GRIP2: variants seen among roughly 807,000 people sequenced by gnomAD.
GRIP2 encodes the protein glutamate receptor-interacting protein 2.
Under a neutral mutation model 108.3 loss-of-function variants are expected in GRIP2, and 58 were observed. The observed-to-expected ratio is 0.54, with a 90% CI of 0.43 to 0.67. The LOEUF is 0.67. GRIP2 is among the 30% of genes least tolerant of loss of function. GRIP2 has a pLI of 0.00. For missense variants in GRIP2, 1,278 were observed against 1,430.6 expected (o/e 0.89, Z 1.72); for synonymous variants, 586 against 598.2 (o/e 0.98, Z 0.30).
intron 3 of GRIP2, 24 bp downstream of exon 3, chr3:14,525,413 G>A (rs547553933): frequency 4.9e-5 from 79 of 1,608,566 alleles, no homozygotes; most frequent in South Asian, 4.4e-4. Context: ...CCCCTCCTGC[G>A]GCCGTGCCAA....
At chr3:14,524,965 G>A (rs918900071) in intron 3 of GRIP2, among the ~76,000 whole-genome samples, 1 of 152,244 alleles carries the variant, frequency 6.6e-6, no homozygotes, top group Admixed American at 6.5e-5. Context: ...CACAGTCCAA[G>A]GGAGCCACAG....
At chr3:14,504,054 C>G in intron 20 of GRIP2, 2 of 254,102 alleles carry the variant, frequency 7.9e-6, no homozygotes, top group Non-Finnish European at 1.5e-5. Flanking sequence ...CACACGGCAC[C>G]GTGGGACAGT....
At chr3:14,542,124 C>T, upstream of GRIP2, 1 of 1,126,700 alleles carries the variant, frequency 8.9e-7, no homozygotes, top group Non-Finnish European at 1.2e-6. Context: ...TTCTTTCTCC[C>T]TCTTTCTCTT....
Position 14,509,817 on chromosome 3 carries a change from C to T in GRIP2, c.2078+3G>A. 1 of 1,484,732 alleles carries T rather than the reference C, an allele frequency of 6.7e-7. No homozygotes were observed. Among genetic ancestry groups the T allele is most frequent in the Non-Finnish European group, 9.0e-7 (1 of 1,109,228 alleles). 92.0% of individuals were successfully genotyped at this position (1,484,732 alleles called of 1,614,324 possible). A position where few individuals can be genotyped will look rare whatever the true frequency, so the allele number is the denominator to read the frequency against. On this transcript the variant is annotated splice_donor_region_variant and intron_variant, in intron 17 of 23. Transcript: ENST00000621039. ...CATGCGTCCCCACAGAGCCCCAGTT[C>T]ACCTCTCAGCCAGGCCACGCTTGGT...
intron 1 of GRIP2, among the ~76,000 whole-genome samples, chr3:14,537,651 AT>A (rs1367957493): frequency 6.6e-6 from 1 of 152,256 alleles, no homozygotes; most frequent in Non-Finnish European, 1.5e-5. Flanking sequence ...AGGATCCCCC[AT>A]GGCCACAGCC....
the GRIP2 span, among the ~76,000 whole-genome samples, chr3:14,578,263 G>A: frequency 1.3e-5 from 2 of 152,170 alleles, no homozygotes; most frequent in African/African-American, 4.8e-5. Context: ...ACCTGGGTCT[G>A]AGCCTTAGCT....
chr3:14,556,007 C>T (rs977347046), exon 1 of GRIP2: 12 of 398,804 alleles, frequency 3.0e-5, no homozygotes, highest in Middle Eastern at 6.3e-4. Context: ...CAGCCTCCCA[C>T]GCCTGGAGCC....
intron 1 of GRIP2, 91 bp from the exon 2 acceptor site, chr3:14,526,022 C>G (rs73132037): frequency 1.7e-6 from 2 of 1,163,022 alleles, no homozygotes; most frequent in Non-Finnish European, 2.5e-6. Flanking sequence ...ACTCTGTGGA[C>G]GTGGCCTGTA....
rs373527101 is a variant in GRIP2, at chr3:14,493,876, C to T, written c.2971-50G>A. On this transcript the variant is annotated intron_variant, in intron 23 of 23. Coordinates refer to ENST00000621039, the MANE Select transcript of GRIP2 (RefSeq NM_001080423.4). ...CAGAACCGAGATGTCAGCCCTGCTGCGCTGAAGGGAGCAAGAGGCATGTGA... is the reference window on the plus strand; with the variant it reads ...CAGAACCGAGATGTCAGCCCTGCTGTGCTGAAGGGAGCAAGAGGCATGTGA... 35 of 1,571,408 alleles carry T rather than the reference C, an allele frequency of 2.2e-5. No individual in the cohort carries two copies. In the African/African-American group the frequency reaches 2.8e-4, roughly 13 times the overall value.
At chr3:14,534,796 G>A (rs1006900728) in intron 1 of GRIP2, among the ~76,000 whole-genome samples, 4 of 152,138 alleles carry the variant, frequency 2.6e-5, no homozygotes, top group Non-Finnish European at 1.5e-5. Context: ...TTGAAATCAT[G>A]GCTAATTTGC....
At position 14,489,711 on chromosome 3, in the gene GRIP2, A is replaced by G. The variant is rs191944858; in HGVS notation, c.*3954T>C. 3.3e-5 allele frequency: 5 copies of G among 152,422 alleles called. No homozygotes were observed. Among genetic ancestry groups the G allele is most frequent in the African/African-American group, 9.6e-5 (4 of 41,574 alleles). The allele number at this position is 152,422 out of a possible 1,614,324, so 9.4% of individuals were successfully genotyped here. On this transcript the variant is annotated 3_prime_UTR_variant, in exon 24 of 24. Transcript: ENST00000621039. ...TGTCCCCATCAAGGCCACCAGGATGATTGGAGGTGATGCTCTTGGCCTTAG... is the reference window on the plus strand; with the variant it reads ...TGTCCCCATCAAGGCCACCAGGATGGTTGGAGGTGATGCTCTTGGCCTTAG...
rs374577398 is a variant in GRIP2, at chr3:14,506,884, C to G, written c.2315G>C (p.Arg772Pro). The G allele has an allele frequency of 6.2e-7, 1 of 1,606,470 alleles. No individual in the cohort carries two copies. Among genetic ancestry groups the G allele is most frequent in the East Asian group, 2.2e-5 (1 of 44,570 alleles). ...CACACTGGGCACAGCCGGCGAGAAG[C>G]GGGCTGCTGGCAGGCCTCCTTTCAG... The part of the protein sequence containing the change: ...DALKGGLPAA[R>P]FSPAVPSVDS... Residue 772 changes from arginine (R) to proline (P), a missense_variant, in exon 19 of 24, where the codon CGC becomes CCC. By Grantham distance (103) the Arg-to-Pro change is moderately radical. Transcript: ENST00000621039.
At chr3:14,524,352 A>C in intron 4 of GRIP2, 41 bp downstream of exon 4, 2 of 1,591,070 alleles carry the variant, frequency 1.3e-6, no homozygotes, top group Non-Finnish European at 1.7e-6. Context: ...TCCACCCGCA[A>C]CCGAGGCAGT....
chr3:14,596,158 G>A, the GRIP2 span, among the ~76,000 whole-genome samples: 1 of 152,226 alleles, frequency 6.6e-6, no homozygotes, highest in African/African-American at 2.4e-5. Context: ...GATGGGAGAG[G>A]AACTCCAGGC....
rs748861538 is a variant in GRIP2 at position 14,514,281 on chromosome 3, A to G, written c.1493+11T>C. 23 of 1,539,936 alleles carry G rather than the reference A, an allele frequency of 1.5e-5. 1 individual carries two copies. In the Admixed American group the frequency reaches 3.2e-4, roughly 21 times the overall value. The stretch of plus-strand genomic sequence containing the variant: ...GTGGCAGGCTCAGTAGGGAGGGGGC[A>G]GGAGGCTCACCTCTCAGCCGGACTG... On this transcript the variant is annotated intron_variant, in intron 12 of 23. Transcript: ENST00000621039.
chr3:14,505,481 T>C lies in GRIP2; in HGVS notation c.2573+134A>G. The C allele has an allele frequency of 1.0e-6, 1 of 984,944 alleles. No homozygotes were observed. The highest frequency in any genetic ancestry group is 1.6e-5 in the African/African-American group (1 of 61,768). 61.0% of individuals were successfully genotyped at this position (984,944 alleles called of 1,614,324 possible). On this transcript the variant is annotated intron_variant, in intron 20 of 23. Transcript: ENST00000621039. The surrounding 1 kb of genome is among the most constrained non-coding windows in gnomAD (Gnocchi z 4.2). ...CTGAGGTGGCTCTGCTCAGTGCTTC[T>C]CTCCCAGGAGGCACCCCTCCTCAGG...
chr3:14,597,585 A>G, the GRIP2 span, among the ~76,000 whole-genome samples: 2 of 152,176 alleles, frequency 1.3e-5, no homozygotes, highest in African/African-American at 4.8e-5. Flanking sequence ...TTATTTTCCA[A>G]GCCTACCCAG....
At chr3:14,574,449 C>G in the GRIP2 span, 3 of 711,718 alleles carry the variant, frequency 4.2e-6, no homozygotes, top group Non-Finnish European at 7.6e-6. Context: ...CCGCCAGCCT[C>G]GCTCCAAAGG....
At chr3:14,498,072 T>C (rs1693664236) in intron 21 of GRIP2, among the ~76,000 whole-genome samples, 1 of 152,200 alleles carries the variant, frequency 6.6e-6, no homozygotes, top group African/African-American at 2.4e-5. Context: ...CATCACAGTA[T>C]CTGAATTCCC....
Sources: allele counts gnomAD v4.1 joint callset (sites outside exome capture counted in the v4.1 genomes callset), GRCh38; gene constraint gnomAD v4.1.1; non-coding constraint Gnocchi (gnomAD v3.1); transcripts MANE v1.5; gene names NCBI Gene and HGNC (gene_info 2026-07-23, HGNC 2026-07-21).